KCNQ5: variants seen among roughly 807,000 people sequenced by gnomAD.
KCNQ5 encodes potassium voltage-gated channel subfamily Q member 5, also known as potassium voltage-gated channel subfamily KQT member 5.
Under a neutral mutation model 98.2 loss-of-function variants are expected in KCNQ5, and 30 were observed. The observed-to-expected ratio is 0.31, with a 90% CI of 0.23 to 0.41. The LOEUF is 0.41. Ranked by LOEUF, KCNQ5 falls within the 10% of genes least tolerant of loss-of-function variation. The probability of loss-of-function intolerance (pLI) is 1.00; values close to 1 mark genes in which losing one functional copy is unlikely to be tolerated. For synonymous variants in KCNQ5, 458 were observed against 449.4 expected, an observed-to-expected ratio of 1.02 and a Z score of -0.24; for missense variants, 835 against 1,182.5, an observed-to-expected ratio of 0.71 and a Z score of 4.31.
intron 1 of KCNQ5, among the ~76,000 whole-genome samples, chr6:72,929,145 C>T (rs1044567872): frequency 5.3e-5 from 8 of 152,026 alleles, no homozygotes; most frequent in African/African-American, 1.9e-4. Context: ...ATAAACCAGT[C>T]CTTTAATTTC....
intron 1 of KCNQ5, among the ~76,000 whole-genome samples, chr6:72,939,828 C>A (rs1279275680): frequency 1.3e-5 from 2 of 152,176 alleles, no homozygotes; most frequent in Admixed American, 6.5e-5. Context: ...AACATGTTCC[C>A]TTAGCAGAGA....
At chr6:72,836,608 T>A (rs1776514628) in intron 1 of KCNQ5, among the ~76,000 whole-genome samples, 1 of 152,212 alleles carries the variant, frequency 6.6e-6, no homozygotes, top group Non-Finnish European at 1.5e-5. Context: ...TCTGCTAATT[T>A]TTTTTTTTCT....
intron 1 of KCNQ5, among the ~76,000 whole-genome samples, chr6:72,875,059 G>T (rs1778356288): frequency 6.6e-6 from 1 of 151,996 alleles, no homozygotes; most frequent in African/African-American, 2.4e-5. Context: ...TATTTGTCTG[G>T]GGAGATTGAT....
At position 72,647,615 on chromosome 6, in the gene KCNQ5, T is replaced by A. The variant is rs150846191; in HGVS notation, c.398+25028T>A. On this transcript the variant is annotated intron_variant, in intron 1 of 13. Coordinates refer to ENST00000370398, the MANE Select transcript of KCNQ5 (RefSeq NM_019842.4). ...CCCTAGGTTTCTGATAGCTGTTCAGTTCACAGACACATGCATGTAATGCCC... is the reference window on the plus strand; with the variant it reads ...CCCTAGGTTTCTGATAGCTGTTCAGATCACAGACACATGCATGTAATGCCC... Among the ~76,000 whole-genome samples, 20 of 152,276 alleles carry A rather than the reference T, an allele frequency of 1.3e-4. 1 individual carries two copies. The highest frequency in any genetic ancestry group is 3.4e-3 in the Middle Eastern group (1 of 294).
At chr6:72,696,892 G>T (rs965444338) in intron 1 of KCNQ5, among the ~76,000 whole-genome samples, 2 of 152,060 alleles carry the variant, frequency 1.3e-5, no homozygotes, top group Non-Finnish European at 2.9e-5. Flanking sequence ...ACTAAATAAT[G>T]GTTGACACTT....
chr6:73,027,015 A>G (rs1770922446), intron 2 of KCNQ5, among the ~76,000 whole-genome samples: 1 of 152,104 alleles, frequency 6.6e-6, no homozygotes, highest in Non-Finnish European at 1.5e-5. Context: ...CTCTGACCAA[A>G]TTAATGATCC....
At chr6:73,188,802 G>A (rs552748229) in intron 11 of KCNQ5, among the ~76,000 whole-genome samples, 1 of 152,116 alleles carries the variant, frequency 6.6e-6, no homozygotes, top group South Asian at 2.1e-4. Flanking sequence ...GGCCAATATG[G>A]TGAAACCCCA....
intron 1 of KCNQ5, among the ~76,000 whole-genome samples, chr6:72,900,532 A>ATATATATATAT (rs1779455657): frequency 1.3e-5 from 2 of 148,742 alleles, no homozygotes; most frequent in African/African-American, 4.9e-5. Flanking sequence ...TATATACCAC[A>ATATATATATAT]GTTTCTTTAT....
At chr6:73,144,867 G>GA (rs77505582) in intron 10 of KCNQ5, among the ~76,000 whole-genome samples, 12,131 of 152,250 alleles carry the variant, frequency 0.08, 511 homozygotes, top group East Asian at 0.18. Context: ...ATTGATATCT[G>GA]AAGGCCTCTT....
At chr6:72,848,362 C>T (rs1354722322) in intron 1 of KCNQ5, among the ~76,000 whole-genome samples, 1 of 152,156 alleles carries the variant, frequency 6.6e-6, no homozygotes, top group African/African-American at 2.4e-5. Context: ...CCTCATCCCC[C>T]TACCCCCGAC....
chr6:72,758,414 G>A (rs965454650), intron 1 of KCNQ5, among the ~76,000 whole-genome samples: 2 of 151,976 alleles, frequency 1.3e-5, no homozygotes, highest in Non-Finnish European at 2.9e-5. Context: ...TTTATTAGAC[G>A]ATTTTAGTAA....
At chr6:72,675,067 T>C (rs757669574) in intron 1 of KCNQ5, among the ~76,000 whole-genome samples, 13 of 152,202 alleles carry the variant, frequency 8.5e-5, no homozygotes, top group Non-Finnish European at 1.6e-4. Context: ...GTTCAGTCTT[T>C]AAAAAATTCA....
chr6:73,193,497 AATAAAATAAAAT>A (rs1409889081), intron 13 of KCNQ5, among the ~76,000 whole-genome samples: 4 of 148,992 alleles, frequency 2.7e-5, no homozygotes, highest in Non-Finnish European at 4.5e-5. Context: ...AATAAAATAA[AATAAAATAAAAT>A]ATAAAATAAA....
intron 1 of KCNQ5, among the ~76,000 whole-genome samples, chr6:72,791,983 A>G (rs1222971541): frequency 1.3e-5 from 2 of 152,206 alleles, no homozygotes; most frequent in Admixed American, 6.5e-5. Context: ...GGGGGACACA[A>G]TCAAGCCATA....
chr6:72,828,237 G>A (rs550591076), intron 1 of KCNQ5, among the ~76,000 whole-genome samples: 2 of 151,716 alleles, frequency 1.3e-5, no homozygotes, highest in Admixed American at 6.6e-5. Flanking sequence ...TATTCAAATT[G>A]TAAGTGTTTT....
At chr6:73,105,420 T>C (rs912621198) in intron 6 of KCNQ5, 53 bp downstream of exon 6, 7 of 1,049,076 alleles carry the variant, frequency 6.7e-6, no homozygotes, top group African/African-American at 1.6e-5. Context: ...AGAGACTTAT[T>C]AGAGTGAGCT....
At chr6:73,063,972 A>C (rs1035030265) in intron 3 of KCNQ5, among the ~76,000 whole-genome samples, 3 of 152,200 alleles carry the variant, frequency 2.0e-5, no homozygotes, top group Non-Finnish European at 4.4e-5. Context: ...TATTTCCAAA[A>C]ATAGGAAATT....
chr6:72,647,530 C>T (rs2154472253), intron 1 of KCNQ5, among the ~76,000 whole-genome samples: 1 of 151,974 alleles, frequency 6.6e-6, no homozygotes, highest in South Asian at 2.1e-4. Context: ...GAGACAGAGA[C>T]TGAGAGACTG....
chr6:72,662,446 A>C lies in KCNQ5; in HGVS notation c.398+39859A>C, dbSNP rs565359820. Among the ~76,000 whole-genome samples, 3 of 152,298 alleles carry C rather than the reference A, an allele frequency of 2.0e-5. No individual in the cohort carries two copies. In the South Asian group the frequency reaches 6.2e-4, roughly 32 times the overall value. The stretch of plus-strand genomic sequence containing the variant: ...ATAACATAAATAACTTTTGTCTGGA[A>C]TGTTTTTATTGAAAAGCAGATGTGA... On this transcript the variant is annotated intron_variant, in intron 1 of 13. Transcript: ENST00000370398.
Sources: gnomAD v4.1 joint callset for allele counts (sites outside exome capture counted in the v4.1 genomes callset) on GRCh38, gnomAD v4.1.1 for gene constraint, MANE v1.5 for transcripts, NCBI Gene and HGNC (gene_info 2026-07-23, HGNC 2026-07-21) for gene names.